The following SERINC5 variants were observed in gnomAD, a reference collection of about 807,000 sequenced individuals.
SERINC5 encodes the protein chromosome 5 open reading frame 12.
In SERINC5, 41 loss-of-function variants were observed where a neutral mutation model predicts 63.1. The observed-to-expected ratio is 0.65, with a 90% CI of 0.51 to 0.84. SERINC5 has a LOEUF of 0.84. Among genes scored for constraint, SERINC5 ranks in the 40% least tolerant of loss-of-function variants. The probability of loss-of-function intolerance (pLI) is 0.00; values close to 1 mark genes in which losing one functional copy is unlikely to be tolerated. For missense variants in SERINC5, 523 were observed against 573.0 expected (o/e 0.91, Z 0.89); for synonymous variants, 222 against 215.2 (o/e 1.03, Z -0.28).
chr5:80,120,476 C>T (rs902257018), intron 11 of SERINC5, among the ~76,000 whole-genome samples: 23 of 152,200 alleles, frequency 1.5e-4, no homozygotes, highest in East Asian at 5.8e-4. Context: ...CTTCTGCAAA[C>T]GAGAAATAAG....
intron 11 of SERINC5, among the ~76,000 whole-genome samples, chr5:80,123,512 TG>T (rs1744625770): frequency 6.6e-6 from 1 of 152,198 alleles, no homozygotes; most frequent in Non-Finnish European, 1.5e-5. Context: ...GCTTTACATT[TG>T]CTCAGTTCCT....
intron 7 of SERINC5, among the ~76,000 whole-genome samples, chr5:80,165,259 T>G (rs1747213370): frequency 6.6e-6 from 1 of 152,100 alleles, no homozygotes; most frequent in Admixed American, 6.6e-5. Flanking sequence ...CTTACATTAC[T>G]TTCCACTATA....
At chr5:80,249,896 G>C (rs924021758) in intron 1 of SERINC5, among the ~76,000 whole-genome samples, 1 of 152,182 alleles carries the variant, frequency 6.6e-6, no homozygotes, top group Non-Finnish European at 1.5e-5. Flanking sequence ...TGATATGTGT[G>C]ATTTCCCTCT....
Position 80,143,777 on chromosome 5 carries a change from G to A in SERINC5, c.1272C>T (p.Ser424=), listed in dbSNP as rs1036301931. The A allele has an allele frequency of 3.8e-5, 58 of 1,535,978 alleles. No homozygotes were observed. In the East Asian group the frequency reaches 1.1e-3, roughly 28 times the overall value. Residue 424 remains serine (S), a synonymous_variant, in exon 12 of 12, where the codon AGC becomes AGT. Transcript: ENST00000507668. ...TGACCCAGAAGATGGACCAGCTCCC[G>A]CTGAAGAAGCTCTCGATGTTGGCAC... is the stretch of plus-strand genomic sequence containing the variant. ...YESANIESFF[S]GSWSIFWVKM...
intron 9 of SERINC5, among the ~76,000 whole-genome samples, chr5:80,148,624 C>T (rs1170791524): frequency 6.6e-6 from 1 of 151,428 alleles, no homozygotes. Context: ...GCTGTGATCC[C>T]ACCACTGCAC....
chr5:80,170,054 G>A (rs1218667101), intron 5 of SERINC5, among the ~76,000 whole-genome samples: 1 of 152,142 alleles, frequency 6.6e-6, no homozygotes, highest in East Asian at 1.9e-4. Flanking sequence ...ACATTCCCCT[G>A]AGATTTTAAC....
chr5:80,202,859 G>C, intron 2 of SERINC5, 27 bp downstream of exon 2: 1 of 1,587,674 alleles, frequency 6.3e-7, no homozygotes, highest in Non-Finnish European at 8.6e-7. Flanking sequence ...ATCGGAAATA[G>C]GACGAGCTGA....
intron 7 of SERINC5, among the ~76,000 whole-genome samples, chr5:80,165,253 C>T (rs191994264): frequency 6.4e-4 from 97 of 152,050 alleles, no homozygotes; most frequent in Non-Finnish European, 1.2e-4. Flanking sequence ...CCTCCACTTA[C>T]ATTACTTTCC....
rs144876065 is a variant in SERINC5, at chr5:80,114,452, G to C, written c.1239-827C>G. 3.1e-5 allele frequency: 5 copies of C among 162,816 alleles called. No homozygotes were observed. The South Asian group carries it at 4.6e-4, about 15-fold the overall frequency. 10.1% of individuals were successfully genotyped at this position (162,816 alleles called of 1,614,324 possible). A position where few individuals can be genotyped will look rare whatever the true frequency, so the allele number is the denominator to read the frequency against. On this transcript the variant is annotated intron_variant, in intron 11 of 12. Transcript: ENST00000509193. ...GCAGATCACTTGAGGTCAGGAGTTC[G>C]AGACCAGCCTGGCCAACATGGTAAA...
At chr5:80,153,808 CAA>C (rs1349445320) in intron 8 of SERINC5, among the ~76,000 whole-genome samples, 29 of 91,200 alleles carry the variant, frequency 3.2e-4, no homozygotes, top group East Asian at 3.0e-4. Flanking sequence ...TGGTGACAGC[CAA>C]AAAAAAAAAA....
intron 1 of SERINC5, among the ~76,000 whole-genome samples, chr5:80,203,984 C>A (rs1305918684): frequency 6.6e-6 from 1 of 152,144 alleles, no homozygotes; most frequent in Admixed American, 6.5e-5. Context: ...TCCATAAAAA[C>A]CCTAATCAAT....
intron 12 of SERINC5, among the ~76,000 whole-genome samples, chr5:80,112,043 G>T (rs1315822436): frequency 1.3e-5 from 2 of 152,234 alleles, no homozygotes; most frequent in African/African-American, 4.8e-5. Flanking sequence ...GGAAAACCGG[G>T]TATTGTCCAA....
chr5:80,169,700 G>A (rs1747527458), intron 5 of SERINC5, among the ~76,000 whole-genome samples, 154 bp from the exon 6 acceptor site: 1 of 152,178 alleles, frequency 6.6e-6, no homozygotes, highest in Non-Finnish European at 1.5e-5. Flanking sequence ...CATTATTTTA[G>A]CAGTGATTAT....
At chr5:80,132,520 G>C (rs1017122742) in intron 11 of SERINC5, among the ~76,000 whole-genome samples, 1 of 151,840 alleles carries the variant, frequency 6.6e-6, no homozygotes, top group African/African-American at 2.4e-5. Context: ...TCCTGGACTT[G>C]GTATATAAGT....
chr5:80,142,698 G>GA lies in SERINC5; in HGVS notation c.*964dup. On this transcript the variant is annotated 3_prime_UTR_variant, in exon 12 of 12. Coordinates refer to ENST00000507668, the MANE Select transcript of SERINC5 (RefSeq NM_001174072.3). The stretch of plus-strand genomic sequence containing the variant: ...ACAGTTTCAAAGGCCTCAAGGTGGA[G>GA]AAAAAACTGAGGGGCTGACCTCAAC... The GA allele has an allele frequency of 2.0e-6, 2 of 985,410 alleles. No homozygotes were observed. The highest frequency in any genetic ancestry group is 2.4e-6 in the Non-Finnish European group (2 of 829,942). The allele number at this position is 985,410 out of a possible 1,614,324, so 61.0% of individuals were successfully genotyped here. A position where few individuals can be genotyped will look rare whatever the true frequency, so the allele number is the denominator to read the frequency against.
intron 11 of SERINC5, among the ~76,000 whole-genome samples, chr5:80,126,605 A>G (rs1310717237): frequency 6.6e-6 from 1 of 152,224 alleles, no homozygotes. Flanking sequence ...TTTCTTCTTC[A>G]ATGTTGTGAG....
Position 80,141,651 on chromosome 5 carries a change from G to T in SERINC5, c.*2012C>A, listed in dbSNP as rs1337001658. On this transcript the variant is annotated 3_prime_UTR_variant, in exon 12 of 12. Coordinates refer to ENST00000507668, the MANE Select transcript of SERINC5 (RefSeq NM_001174072.3). Reference sequence around the variant, plus strand: ...CCTAGGCCACTGCAACACAGCTACTGTGTGTGACACGCAGCCCCACTCCCT... The same window carrying T: ...CCTAGGCCACTGCAACACAGCTACTTTGTGTGACACGCAGCCCCACTCCCT... The T allele has an allele frequency of 1.0e-6, 1 of 985,372 alleles. No individual in the cohort carries two copies. Among genetic ancestry groups the T allele is most frequent in the African/African-American group, 1.7e-5 (1 of 57,222 alleles). 61.0% of individuals were successfully genotyped at this position (985,372 alleles called of 1,614,324 possible).
chr5:80,158,662 CAAGT>C (rs1377636043), intron 8 of SERINC5, 170 bp downstream of exon 8: 10 of 574,584 alleles, frequency 1.7e-5, no homozygotes, highest in South Asian at 5.4e-5. Flanking sequence ...CAAATAAAAA[CAAGT>C]AAGGTGAACG....
chr5:80,141,548 A>T lies in SERINC5; in HGVS notation c.*2115T>A, dbSNP rs1351676800. The T allele has an allele frequency of 1.0e-6, 1 of 985,346 alleles. No homozygotes were observed. Among genetic ancestry groups the T allele is most frequent in the Non-Finnish European group, 1.2e-6 (1 of 830,002 alleles). The allele number at this position is 985,346 out of a possible 1,614,324, so 61.0% of individuals were successfully genotyped here. A position where few individuals can be genotyped will look rare whatever the true frequency, so the allele number is the denominator to read the frequency against. On this transcript the variant is annotated 3_prime_UTR_variant, in exon 12 of 12. Coordinates refer to ENST00000507668, the MANE Select transcript of SERINC5 (RefSeq NM_001174072.3). ...TGCTAGACCTCAGCAGGAGGAAAAC[A>T]ATGAAACTAGTCACAATACTGCCCA... is the stretch of plus-strand genomic sequence containing the variant.
Sources: allele counts gnomAD v4.1 joint callset (sites outside exome capture counted in the v4.1 genomes callset), GRCh38; gene constraint gnomAD v4.1.1; transcripts MANE v1.5; gene names NCBI Gene and HGNC (gene_info 2026-07-23, HGNC 2026-07-21).